The following PSD3 variants were observed in gnomAD, a reference collection of about 807,000 sequenced individuals.
The protein encoded by PSD3 is PH and SEC7 domain-containing protein 3.
Under a neutral mutation model 105.5 loss-of-function variants are expected in PSD3, and 49 were observed. The observed-to-expected ratio is 0.46, with a 90% CI of 0.37 to 0.59. PSD3 has a LOEUF of 0.59. Among genes scored for constraint, PSD3 ranks in the 20% least tolerant of loss-of-function variants. PSD3 has a pLI of 0.00. For missense variants in PSD3, 1,561 were observed against 1,263.8 expected, an observed-to-expected ratio of 1.24 and a Z score of -3.57; for synonymous variants, 557 against 457.8, an observed-to-expected ratio of 1.22 and a Z score of -2.77.
upstream of PSD3, among the ~76,000 whole-genome samples, chr8:19,017,716 C>G (rs1190583236): frequency 2.6e-5 from 4 of 152,190 alleles, no homozygotes; most frequent in Non-Finnish European, 2.9e-5. Flanking sequence ...CAATGCTCAT[C>G]CATATTGTAG....
intron 4 of PSD3, among the ~76,000 whole-genome samples, chr8:18,835,831 A>G (rs940867205): frequency 7.2e-5 from 11 of 152,210 alleles, no homozygotes; most frequent in African/African-American, 2.7e-4. Flanking sequence ...CAGAGTGAGC[A>G]ACAAGAGTGG....
intron 15 of PSD3, among the ~76,000 whole-genome samples, chr8:18,538,993 G>A (rs560185755): frequency 7.6e-4 from 115 of 152,236 alleles, no homozygotes; most frequent in African/African-American, 2.6e-3. Context: ...TGCAAACGCC[G>A]TGCCCCATTT....
chr8:18,741,047 T>C lies in PSD3; in HGVS notation c.2172+24402A>G, dbSNP rs370421607. Among the ~76,000 whole-genome samples the C allele has an allele frequency of 4.5e-4, 68 of 152,348 alleles. 1 individual carries two copies. In the South Asian group the frequency reaches 0.014, roughly 31 times the overall value. On this transcript the variant is annotated intron_variant, in intron 9 of 15. Coordinates refer to ENST00000327040, the MANE Select transcript of PSD3 (RefSeq NM_015310.4). ...GGAGAAAGGAAATATCTAAAGATTT[T>C]CAGATCCTAACATAAAAAGGGATTA...
intron 15 of PSD3, among the ~76,000 whole-genome samples, chr8:18,553,336 C>T (rs765256549): frequency 6.6e-6 from 1 of 151,982 alleles, no homozygotes; most frequent in African/African-American, 2.4e-5. Context: ...TGGGCTCCCA[C>T]TGAACTGCAG....
intron 9 of PSD3, among the ~76,000 whole-genome samples, chr8:18,731,682 A>G (rs2129431438): frequency 6.6e-6 from 1 of 152,328 alleles, no homozygotes; most frequent in East Asian, 1.9e-4. Flanking sequence ...CAGAACAGTC[A>G]TGTGTTCTAC....
intron 1 of PSD3, among the ~76,000 whole-genome samples, chr8:19,040,637 C>T (rs1342448353): frequency 6.6e-6 from 1 of 152,208 alleles, no homozygotes; most frequent in Non-Finnish European, 1.5e-5. Context: ...GGCAGGACAA[C>T]AGTGACAGCA....
intron 11 of PSD3, among the ~76,000 whole-genome samples, chr8:18,630,827 C>T (rs895621199): frequency 6.6e-6 from 1 of 151,678 alleles, no homozygotes; most frequent in African/African-American, 2.4e-5. Context: ...TCATTATTCC[C>T]CAAAGAATAC....
intron 12 of PSD3, among the ~76,000 whole-genome samples, chr8:18,580,572 C>T (rs948411414): frequency 2.0e-5 from 3 of 151,846 alleles, no homozygotes; most frequent in African/African-American, 4.8e-5. Context: ...AAAAAACAAG[C>T]CCCCAAAACA....
intron 11 of PSD3, among the ~76,000 whole-genome samples, chr8:18,608,521 T>C (rs1013279469): frequency 6.6e-6 from 1 of 152,262 alleles, no homozygotes; most frequent in Non-Finnish European, 1.5e-5. Context: ...GAGCCATCAC[T>C]GAATCTTAAA....
intron 1 of PSD3, among the ~76,000 whole-genome samples, chr8:19,081,366 T>G (rs1016544222): frequency 1.3e-5 from 2 of 152,128 alleles, no homozygotes; most frequent in Non-Finnish European, 2.9e-5. Flanking sequence ...CCTCAGGAAA[T>G]GTAGGGTTAC....
chr8:18,985,267 G>C (rs1825445462), intron 1 of PSD3, among the ~76,000 whole-genome samples: 1 of 152,100 alleles, frequency 6.6e-6, no homozygotes, highest in Non-Finnish European at 1.5e-5. Context: ...GGGCTGCCCT[G>C]TCTTTACCTG....
intron 11 of PSD3, among the ~76,000 whole-genome samples, chr8:18,617,532 A>T (rs1271158384): frequency 1.3e-5 from 2 of 152,202 alleles, no homozygotes; most frequent in Non-Finnish European, 2.9e-5. Flanking sequence ...ACTCCATCTC[A>T]AAAACAAACA....
At position 18,916,328 on chromosome 8, in the gene PSD3, A is replaced by G. The variant is rs1408948042; in HGVS notation, c.130+19706T>C. On this transcript the variant is annotated intron_variant, in intron 2 of 15. Coordinates refer to ENST00000327040, the MANE Select transcript of PSD3 (RefSeq NM_015310.4). ...TATATATATATATATATATATATAT[A>G]TATATATATATATATATATATACAC... 4.5e-5 allele frequency among the ~76,000 whole-genome samples: 3 copies of G among 66,036 alleles called. No individual in the cohort carries two copies. In the East Asian group the frequency reaches 8.6e-4, roughly 19 times the overall value. The allele number at this position is 66,036 out of a possible 152,430, so 43.3% of individuals were successfully genotyped here. A position where few individuals can be genotyped will look rare whatever the true frequency, so the allele number is the denominator to read the frequency against.
intron 9 of PSD3, among the ~76,000 whole-genome samples, chr8:18,665,174 TCCTC>T (rs1799378692): frequency 6.6e-6 from 1 of 152,230 alleles, no homozygotes; most frequent in South Asian, 2.1e-4. Flanking sequence ...AGATAGCGAT[TCCTC>T]TGATGGATAT....
At chr8:18,871,544 G>C in intron 3 of PSD3, 82 bp downstream of exon 3, 2 of 1,477,322 alleles carry the variant, frequency 1.4e-6, no homozygotes, top group Middle Eastern at 4.9e-4. Flanking sequence ...TTGTGATTGA[G>C]TTCTCATATC....
At chr8:18,957,230 G>T (rs558442563) in intron 1 of PSD3, among the ~76,000 whole-genome samples, 1 of 152,154 alleles carries the variant, frequency 6.6e-6, no homozygotes, top group Non-Finnish European at 1.5e-5. Flanking sequence ...AATTAGCTGG[G>T]CATGGTGGCG....
At chr8:18,644,518 G>A (rs1328245217) in intron 10 of PSD3, among the ~76,000 whole-genome samples, 4 of 152,146 alleles carry the variant, frequency 2.6e-5, no homozygotes, top group East Asian at 1.9e-4. Context: ...ATTTCTACCT[G>A]AGACCTCATC....
chr8:18,821,809 C>G (rs922341217), intron 4 of PSD3, among the ~76,000 whole-genome samples: 1 of 112,634 alleles, frequency 8.9e-6, no homozygotes, highest in Non-Finnish European at 1.9e-5. Context: ...ATAATTTAGC[C>G]TCTCACTTCA....
At chr8:18,552,540 G>A (rs1800829612) in intron 15 of PSD3, among the ~76,000 whole-genome samples, 1 of 152,158 alleles carries the variant, frequency 6.6e-6, no homozygotes, top group Non-Finnish European at 1.5e-5. Flanking sequence ...TTTGTTTGGA[G>A]CCTTGTAAAC....
Sources: gnomAD v4.1 joint callset for allele counts (sites outside exome capture counted in the v4.1 genomes callset) on GRCh38, gnomAD v4.1.1 for gene constraint, MANE v1.5 for transcripts, NCBI Gene and HGNC (gene_info 2026-07-23, HGNC 2026-07-21) for gene names.